The following WDPCP variants were observed in gnomAD, a reference collection of about 807,000 sequenced individuals.
WDPCP encodes the protein WD repeat-containing and planar cell polarity effector protein fritz homolog.
A neutral mutation model predicts 93.1 loss-of-function variants in WDPCP; 71 were observed. That is an observed-to-expected ratio of 0.76 (90% CI 0.63 to 0.93). The LOEUF is 0.93. Among genes scored for constraint, WDPCP ranks in the 40% least tolerant of loss-of-function variants. The pLI, the probability that WDPCP is intolerant of heterozygous loss-of-function variation, is 0.00. For synonymous variants in WDPCP, 315 were observed against 315.0 expected (o/e 1.00, Z 0.00); for missense variants, 844 against 887.4 (o/e 0.95, Z 0.62).
chr2:63,527,824 A>T (rs1703466121), intron 1 of WDPCP, among the ~76,000 whole-genome samples: 1 of 152,082 alleles, frequency 6.6e-6, no homozygotes. Flanking sequence ...GAACTAGTTT[A>T]CATTCCCACC....
Position 63,259,385 on chromosome 2 carries a change from T to C in WDPCP, c.1837A>G (p.Lys613Glu). 2 of 1,612,072 alleles carry C rather than the reference T, an allele frequency of 1.2e-6. No homozygotes were observed. The highest frequency in any genetic ancestry group is 1.1e-5 in the South Asian group (1 of 91,074). ...FMDIHYLALD[K>E]GELALAEVAR... The stretch of plus-strand genomic sequence containing the variant: ...ACTTCAGCTAGTGCCAATTCACCTT[T>C]ATCTAGTGCAAGGTAATGAATATCC... Residue 613 changes from lysine to glutamate, a missense_variant, in exon 14 of 18, where the codon AAA (lysine) becomes GAA (glutamate). Transcript: ENST00000272321.
At chr2:63,140,337 A>G (rs1670966486) in intron 17 of WDPCP, among the ~76,000 whole-genome samples, 1 of 152,114 alleles carries the variant, frequency 6.6e-6, no homozygotes, top group African/African-American at 2.4e-5. Flanking sequence ...TGTTTTTTCT[A>G]ATTTTGTGAA....
At chr2:63,747,498 C>G (rs1669816301) in intron 2 of WDPCP, among the ~76,000 whole-genome samples, 1 of 151,588 alleles carries the variant, frequency 6.6e-6, no homozygotes, top group African/African-American at 2.4e-5. Flanking sequence ...AATTTTTTCC[C>G]ATATGGATAT....
chr2:63,806,633 C>T (rs1670770911), intron 2 of WDPCP, among the ~76,000 whole-genome samples: 2 of 152,132 alleles, frequency 1.3e-5, no homozygotes, highest in Non-Finnish European at 2.9e-5. Flanking sequence ...CTGACCTCTG[C>T]AGTCTCGACC....
intron 13 of WDPCP, among the ~76,000 whole-genome samples, chr2:63,280,085 A>T (rs556517091): frequency 1.7e-4 from 26 of 152,244 alleles, no homozygotes; most frequent in African/African-American, 6.0e-4. Context: ...TACAAATACC[A>T]CCATCATTCT....
At chr2:63,214,300 A>C (rs1288542732) in intron 14 of WDPCP, among the ~76,000 whole-genome samples, 1 of 152,226 alleles carries the variant, frequency 6.6e-6, no homozygotes, top group South Asian at 2.1e-4. Context: ...CATCCCTGGG[A>C]TGCAAGGCTG....
chr2:63,207,152 C>T (rs973859540), intron 14 of WDPCP, among the ~76,000 whole-genome samples: 51 of 152,302 alleles, frequency 3.3e-4, no homozygotes, highest in African/African-American at 1.2e-3. Context: ...CTAGTCCTTA[C>T]ATAGATGTCT....
chr2:63,735,109 T>A (rs1301749289), intron 2 of WDPCP, among the ~76,000 whole-genome samples: 1 of 152,208 alleles, frequency 6.6e-6, no homozygotes, highest in Non-Finnish European at 1.5e-5. Context: ...AGAACAATAT[T>A]GCTTCTGACC....
At chr2:63,699,355 T>C (rs887975080) in intron 2 of WDPCP, among the ~76,000 whole-genome samples, 1 of 152,230 alleles carries the variant, frequency 6.6e-6, no homozygotes, top group East Asian at 1.9e-4. Context: ...TTTCATATAA[T>C]GTCACAATTT....
chr2:63,464,599 C>A (rs1558669654), intron 6 of WDPCP, among the ~76,000 whole-genome samples: 3 of 151,802 alleles, frequency 2.0e-5, no homozygotes, highest in Non-Finnish European at 2.9e-5. Flanking sequence ...TTCATAGATG[C>A]ACTATTCACA....
At chr2:63,191,088 C>T (rs1036229934) in intron 14 of WDPCP, among the ~76,000 whole-genome samples, 6 of 152,176 alleles carry the variant, frequency 3.9e-5, no homozygotes, top group Non-Finnish European at 8.8e-5. Flanking sequence ...TATTTACCAA[C>T]ACTTAAAAAT....
chr2:63,434,078 G>T, intron 8 of WDPCP, 142 bp from the exon 9 acceptor site: 1 of 803,166 alleles, frequency 1.2e-6, no homozygotes, highest in Non-Finnish European at 1.9e-6. Flanking sequence ...GAAGGTGTCA[G>T]AATTTACCAA....
At chr2:63,698,688 G>C (rs984886942) in intron 2 of WDPCP, among the ~76,000 whole-genome samples, 2 of 152,192 alleles carry the variant, frequency 1.3e-5, no homozygotes, top group East Asian at 3.9e-4. Flanking sequence ...TGGCTAGCAA[G>C]AGAACACCTG....
intron 9 of WDPCP, among the ~76,000 whole-genome samples, chr2:63,418,009 G>C (rs771891210): frequency 2.6e-5 from 4 of 151,932 alleles, no homozygotes; most frequent in Non-Finnish European, 5.9e-5. Flanking sequence ...CAGCTTTAAA[G>C]TTATTAGAGT....
chr2:63,289,374 T>C (rs1360890797), intron 13 of WDPCP, among the ~76,000 whole-genome samples: 1 of 152,138 alleles, frequency 6.6e-6, no homozygotes, highest in Non-Finnish European at 1.5e-5. Context: ...CACATTTTGA[T>C]ATATTATGTT....
chr2:63,753,391 T>C (rs1048815364), intron 2 of WDPCP, among the ~76,000 whole-genome samples: 12 of 152,132 alleles, frequency 7.9e-5, no homozygotes, highest in Admixed American at 1.3e-4. Flanking sequence ...ATTGCGCCAT[T>C]GCACTCCAGC....
intron 3 of WDPCP, among the ~76,000 whole-genome samples, chr2:63,620,175 C>T (rs1709720821): frequency 6.6e-6 from 1 of 152,116 alleles, no homozygotes; most frequent in South Asian, 2.1e-4. Flanking sequence ...GTGACAGAAG[C>T]GTTCACCCCC....
At chr2:63,243,351 G>A (rs1469565820) in intron 14 of WDPCP, among the ~76,000 whole-genome samples, 2 of 151,920 alleles carry the variant, frequency 1.3e-5, no homozygotes, top group Non-Finnish European at 2.9e-5. Flanking sequence ...CATAGTTCAT[G>A]TCCTTTGCCC....
chr2:63,301,997 C>A (rs1020491001), intron 13 of WDPCP, among the ~76,000 whole-genome samples: 3 of 152,136 alleles, frequency 2.0e-5, no homozygotes, highest in Non-Finnish European at 4.4e-5. Context: ...GCAATCATAT[C>A]GGGCAGACCC....
Sources: gnomAD v4.1 joint callset for allele counts (sites outside exome capture counted in the v4.1 genomes callset) on GRCh38, gnomAD v4.1.1 for gene constraint, MANE v1.5 for transcripts, NCBI Gene and HGNC (gene_info 2026-07-23, HGNC 2026-07-21) for gene names.